CELF4: variants seen among roughly 807,000 people sequenced by gnomAD.
CELF4 encodes CUGBP Elav-like family member 4, also known as CUG-BP- and ETR-3-like factor 4.
Under a neutral mutation model 59.9 loss-of-function variants are expected in CELF4, and 18 were observed. The observed-to-expected ratio is 0.30, with a 90% CI of 0.21 to 0.45. The LOEUF (loss-of-function observed/expected upper bound fraction) is 0.45. CELF4 is among the 20% of genes least tolerant of loss of function. The probability of loss-of-function intolerance (pLI) is 1.00; values close to 1 mark genes in which losing one functional copy is unlikely to be tolerated. For missense variants in CELF4, 456 were observed against 689.0 expected, an observed-to-expected ratio of 0.66 and a Z score of 3.79; for synonymous variants, 261 against 267.1, an observed-to-expected ratio of 0.98 and a Z score of 0.22.
At chr18:37,352,993 G>A (rs1173527608) in intron 2 of CELF4, among the ~76,000 whole-genome samples, 1 of 152,074 alleles carries the variant, frequency 6.6e-6, no homozygotes, top group Non-Finnish European at 1.5e-5. Flanking sequence ...AGGCCAAGGT[G>A]GGCAGATCAG....
chr18:37,535,791 T>A lies in CELF4; in HGVS notation c.286+29565A>T, dbSNP rs149692539. 2.9e-3 allele frequency among the ~76,000 whole-genome samples: 443 copies of A among 152,010 alleles called. 5 individuals carry two copies. The highest frequency in any genetic ancestry group is 0.023 in the Admixed American group (344 of 15,258). Reference sequence around the variant, plus strand: ...GAGCCCTGCCATCACAGTGTGGAGATCCCTACTTGGATCCACACTGGCCAC... The same window carrying A: ...GAGCCCTGCCATCACAGTGTGGAGAACCCTACTTGGATCCACACTGGCCAC... On this transcript the variant is annotated intron_variant, in intron 1 of 12. Transcript: ENST00000420428.
intron 2 of CELF4, among the ~76,000 whole-genome samples, chr18:37,399,637 C>A (rs1013971835): frequency 2.0e-5 from 3 of 152,164 alleles, no homozygotes; most frequent in African/African-American, 7.2e-5. Context: ...GAGATACACC[C>A]ACCAGTTGTC....
intron 1 of CELF4, among the ~76,000 whole-genome samples, chr18:37,559,311 C>T (rs2099985846): frequency 6.6e-6 from 1 of 152,118 alleles, no homozygotes; most frequent in African/African-American, 2.4e-5. Flanking sequence ...TGTGTATGCA[C>T]ACACACATGC....
intron 2 of CELF4, among the ~76,000 whole-genome samples, chr18:37,391,217 T>C (rs931284930): frequency 6.6e-6 from 1 of 152,076 alleles, no homozygotes; most frequent in Non-Finnish European, 1.5e-5. Context: ...CTGCCTTTAG[T>C]TCATATTTGT....
At chr18:37,299,286 C>T (rs1370079144) in intron 3 of CELF4, among the ~76,000 whole-genome samples, 1 of 152,198 alleles carries the variant, frequency 6.6e-6, no homozygotes, top group African/African-American at 2.4e-5. Context: ...TCTCTTAAGC[C>T]TACTTGTTGC....
intron 2 of CELF4, among the ~76,000 whole-genome samples, chr18:37,337,900 C>T (rs1281712155): frequency 1.3e-5 from 2 of 152,232 alleles, no homozygotes; most frequent in Admixed American, 6.5e-5. Context: ...CCCTGAAATG[C>T]CTGTCTGTGT....
At chr18:37,429,616 T>G (rs2099635605) in intron 2 of CELF4, among the ~76,000 whole-genome samples, 1 of 152,200 alleles carries the variant, frequency 6.6e-6, no homozygotes, top group Non-Finnish European at 1.5e-5. Flanking sequence ...CAGGGACTGC[T>G]TCTTCCCTGG....
chr18:37,415,817 T>C (rs1367046275), intron 2 of CELF4, among the ~76,000 whole-genome samples: 1 of 152,192 alleles, frequency 6.6e-6, no homozygotes, highest in Non-Finnish European at 1.5e-5. Context: ...TTCAGCTGAA[T>C]CCTCACAACA....
At chr18:37,434,349 A>G (rs914779330) in intron 2 of CELF4, among the ~76,000 whole-genome samples, 3 of 152,162 alleles carry the variant, frequency 2.0e-5, no homozygotes, top group African/African-American at 7.2e-5. Context: ...TTTTTGGTCT[A>G]TTAACTGCTG....
intron 3 of CELF4, among the ~76,000 whole-genome samples, chr18:37,277,319 A>G (rs2093464226): frequency 1.3e-5 from 2 of 152,194 alleles, no homozygotes; most frequent in Admixed American, 6.5e-5. Flanking sequence ...TGGACCCCAG[A>G]GCCCAGGCCC....
chr18:37,308,092 C>T (rs2096507780), intron 3 of CELF4, among the ~76,000 whole-genome samples: 1 of 152,072 alleles, frequency 6.6e-6, no homozygotes, highest in Non-Finnish European at 1.5e-5. Context: ...GTCTAATTCT[C>T]CTGCCCCCTG....
intron 2 of CELF4, among the ~76,000 whole-genome samples, chr18:37,351,692 C>T (rs1332288265): frequency 6.6e-6 from 1 of 150,464 alleles, no homozygotes; most frequent in Non-Finnish European, 1.5e-5. Context: ...CTCACTGCAG[C>T]CTCCACCTCC....
At chr18:37,487,760 G>C (rs1603642471) in intron 1 of CELF4, among the ~76,000 whole-genome samples, 1 of 152,196 alleles carries the variant, frequency 6.6e-6, no homozygotes, top group African/African-American at 2.4e-5. Flanking sequence ...AGGGGAGGGA[G>C]GAAGAGGAGG....
intron 2 of CELF4, among the ~76,000 whole-genome samples, chr18:37,365,267 G>A (rs1215559051): frequency 1.3e-5 from 2 of 152,036 alleles, no homozygotes; most frequent in African/African-American, 4.8e-5. Flanking sequence ...TGGGTCTCAA[G>A]CACCCTCAAA....
chr18:37,547,155 T>TTTGTG (rs1568058727), intron 1 of CELF4, among the ~76,000 whole-genome samples: 2 of 101,542 alleles, frequency 2.0e-5, no homozygotes, highest in African/African-American at 8.0e-5. Flanking sequence ...TGTGTGTGTG[T>TTTGTG]GTGTGGTGTG....
At chr18:37,531,506 T>C (rs918732102) in intron 1 of CELF4, among the ~76,000 whole-genome samples, 7 of 152,236 alleles carry the variant, frequency 4.6e-5, no homozygotes, top group Admixed American at 1.3e-4. Flanking sequence ...TAACACTGGT[T>C]GCCGCATGCC....
intron 2 of CELF4, among the ~76,000 whole-genome samples, chr18:37,417,521 T>G (rs1441823528): frequency 6.6e-6 from 1 of 152,212 alleles, no homozygotes; most frequent in Non-Finnish European, 1.5e-5. Flanking sequence ...GAAGCCCCTC[T>G]GTTGGCCAAG....
intron 2 of CELF4, among the ~76,000 whole-genome samples, chr18:37,446,285 C>G (rs995246664): frequency 1.3e-5 from 2 of 152,168 alleles, no homozygotes; most frequent in Non-Finnish European, 2.9e-5. Flanking sequence ...GATCAAGGAC[C>G]TTGTATTGTA....
rs137855011 is a variant in CELF4, at chr18:37,553,123, A to C, written c.286+12233T>G. 2.6e-5 allele frequency among the ~76,000 whole-genome samples: 4 copies of C among 152,368 alleles called. No individual in the cohort carries two copies. In the East Asian group the frequency reaches 7.7e-4, roughly 29 times the overall value. Reference sequence around the variant, plus strand: ...CAGAATTTACTCTAAAATAAATGTAATCATTTGCTTATTGAAATAGTCAAG... The same window carrying C: ...CAGAATTTACTCTAAAATAAATGTACTCATTTGCTTATTGAAATAGTCAAG... On this transcript the variant is annotated intron_variant, in intron 1 of 12. Transcript: ENST00000420428.
Sources: allele counts gnomAD v4.1 joint callset (sites outside exome capture counted in the v4.1 genomes callset), GRCh38; gene constraint gnomAD v4.1.1; transcripts MANE v1.5; gene names NCBI Gene and HGNC (gene_info 2026-07-23, HGNC 2026-07-21).